Variants in TBC1D9 observed in about 807,000 individuals in gnomAD.
TBC1D9 encodes TBC1 domain family member 9.
TBC1D9 carries 63 observed loss-of-function variants against 132.0 expected under a neutral mutation model. The ratio of observed to expected loss-of-function variants is 0.48; its 90% CI spans 0.39 to 0.59. TBC1D9 has a LOEUF of 0.59. TBC1D9 is among the 20% of genes least tolerant of loss of function. The pLI is 0.00. For synonymous variants in TBC1D9, 610 were observed against 609.9 expected, an observed-to-expected ratio of 1.00 and a Z score of 0.00; for missense variants, 1,261 against 1,592.7, an observed-to-expected ratio of 0.79 and a Z score of 3.54.
At chr4:140,728,505 G>GT (rs1274762549) in intron 1 of TBC1D9, among the ~76,000 whole-genome samples, 14 of 150,450 alleles carry the variant, frequency 9.3e-5, no homozygotes, top group South Asian at 2.1e-4. Flanking sequence ...TGTTTGTTTT[G>GT]TTTTTTTTGA....
intron 2 of TBC1D9, among the ~76,000 whole-genome samples, chr4:140,689,974 G>C (rs1737852273): frequency 6.6e-6 from 1 of 151,114 alleles, no homozygotes; most frequent in Non-Finnish European, 1.5e-5. Flanking sequence ...CGCCAGCCTT[G>C]GCCTCCTGAA....
At chr4:140,649,063 A>G (rs1391964779) in intron 13 of TBC1D9, among the ~76,000 whole-genome samples, 1 of 152,206 alleles carries the variant, frequency 6.6e-6, no homozygotes, top group Non-Finnish European at 1.5e-5. Flanking sequence ...TTTAAAAGAG[A>G]CTGACCACAA....
chr4:140,622,022 G>T lies in TBC1D9; in HGVS notation c.*173C>A. 2.2e-6 allele frequency: 2 copies of T among 924,346 alleles called. No individual in the cohort carries two copies. The highest frequency in any genetic ancestry group is 3.0e-6 in the Non-Finnish European group (2 of 658,108). 57.3% of individuals were successfully genotyped at this position (924,346 alleles called of 1,614,324 possible). On this transcript the variant is annotated 3_prime_UTR_variant, in exon 21 of 21. Coordinates refer to ENST00000442267, the MANE Select transcript of TBC1D9 (RefSeq NM_015130.3). ...GAGTGTAATGTACCTACATTGAGGTGTTTAAATATTTCTCCAACAGTTTTC... is the reference window on the plus strand; with the variant it reads ...GAGTGTAATGTACCTACATTGAGGTTTTTAAATATTTCTCCAACAGTTTTC...
At chr4:140,725,066 C>T (rs1419955719) in intron 1 of TBC1D9, among the ~76,000 whole-genome samples, 1 of 152,106 alleles carries the variant, frequency 6.6e-6, no homozygotes, top group Non-Finnish European at 1.5e-5. Flanking sequence ...GAAATTTTTT[C>T]CACAAATATA....
intron 1 of TBC1D9, among the ~76,000 whole-genome samples, chr4:140,753,315 A>G (rs2111088805): frequency 6.6e-6 from 1 of 151,732 alleles, no homozygotes; most frequent in Non-Finnish European, 1.5e-5. Context: ...TCCGGATTTG[A>G]ATGCCTAGGC....
At chr4:140,656,278 G>A (rs1560875358) in intron 13 of TBC1D9, among the ~76,000 whole-genome samples, 1 of 152,194 alleles carries the variant, frequency 6.6e-6, no homozygotes, top group African/African-American at 2.4e-5. Context: ...GGAAAGTGGG[G>A]TCTAATAGGA....
At chr4:140,682,150 T>C (rs1237295076) in intron 3 of TBC1D9, among the ~76,000 whole-genome samples, 1 of 152,316 alleles carries the variant, frequency 6.6e-6, no homozygotes, top group Admixed American at 6.5e-5. Flanking sequence ...AATCTACAAT[T>C]GTTTTGGAGT....
Position 140,679,749 on chromosome 4 carries a change from A to G in TBC1D9, c.455T>C (p.Phe152Ser). 6.2e-7 allele frequency: 1 copy of G among 1,613,828 alleles called. No individual in the cohort carries two copies. Among genetic ancestry groups the G allele is most frequent in the Middle Eastern group, 1.7e-4 (1 of 6,058 alleles). ...GAGTTTCTCTTCCTCTGGCATCCCA[A>G]ACAGCCTATGAAATTTCACAATGGC... The part of the protein sequence containing the change: ...KEAIVKFHRL[F>S]GMPEEEKLVN... The change falls in exon 4 of 21, where the codon TTT (phenylalanine) becomes TCT (serine). Residue 152 changes from phenylalanine (F) to serine (S), a missense_variant. By Grantham distance (155) the Phe-to-Ser change is radical. Transcript: ENST00000442267.
intron 2 of TBC1D9, among the ~76,000 whole-genome samples, chr4:140,698,301 C>CA (rs1342512845): frequency 1.4e-4 from 21 of 152,130 alleles, no homozygotes; most frequent in African/African-American, 5.1e-4. Flanking sequence ...AATCCTTTAT[C>CA]ACCTTCCTCT....
chr4:140,621,345 A>G lies in TBC1D9; in HGVS notation c.*850T>C, dbSNP rs892816157. ...TAAGAAGCTAAACATCCAGTATCAG[A>G]AGCATCAGTACTTTTACTCTTTCAA... On this transcript the variant is annotated 3_prime_UTR_variant, in exon 21 of 21. Coordinates refer to ENST00000442267, the MANE Select transcript of TBC1D9 (RefSeq NM_015130.3). 7 of 152,412 alleles carry G rather than the reference A, an allele frequency of 4.6e-5. No individual in the cohort carries two copies. Among genetic ancestry groups the G allele is most frequent in the African/African-American group, 1.7e-4 (7 of 41,478 alleles). The allele number at this position is 152,412 out of a possible 1,614,324, so 9.4% of individuals were successfully genotyped here. A position where few individuals can be genotyped will look rare whatever the true frequency, so the allele number is the denominator to read the frequency against.
At chr4:140,723,785 G>T (rs1440503219) in intron 1 of TBC1D9, among the ~76,000 whole-genome samples, 3 of 151,986 alleles carry the variant, frequency 2.0e-5, no homozygotes, top group Non-Finnish European at 2.9e-5. Flanking sequence ...TAGAAACAAG[G>T]TCTTGCTCTG....
intron 1 of TBC1D9, among the ~76,000 whole-genome samples, chr4:140,750,973 G>A (rs1738915530): frequency 6.6e-6 from 1 of 151,226 alleles, no homozygotes; most frequent in African/African-American, 2.4e-5. Context: ...GATATTTTAA[G>A]TTAAAAAAAT....
chr4:140,633,275 C>T (rs774211203), intron 16 of TBC1D9, among the ~76,000 whole-genome samples: 6 of 152,196 alleles, frequency 3.9e-5, no homozygotes, highest in Admixed American at 6.5e-5. Context: ...CTCAACCTTA[C>T]GTCAAGTGGG....
intron 1 of TBC1D9, among the ~76,000 whole-genome samples, chr4:140,721,929 T>C (rs1671187080): frequency 1.3e-5 from 2 of 152,168 alleles, no homozygotes; most frequent in African/African-American, 4.8e-5. Flanking sequence ...CTTAACCAAC[T>C]GCCTTCTGCT....
intron 2 of TBC1D9, among the ~76,000 whole-genome samples, chr4:140,688,588 G>A (rs763180878): frequency 3.9e-5 from 6 of 152,056 alleles, no homozygotes; most frequent in African/African-American, 2.4e-5. Flanking sequence ...AGGATAGCTC[G>A]AACCCAAGAG....
chr4:140,744,915 C>T (rs1420888721), intron 1 of TBC1D9, among the ~76,000 whole-genome samples: 1 of 144,750 alleles, frequency 6.9e-6, no homozygotes, highest in Non-Finnish European at 1.5e-5. Flanking sequence ...GAATCTCAGT[C>T]TTCACAACCC....
At chr4:140,737,159 T>C (rs1738686837) in intron 1 of TBC1D9, among the ~76,000 whole-genome samples, 1 of 152,152 alleles carries the variant, frequency 6.6e-6, no homozygotes, top group Non-Finnish European at 1.5e-5. Context: ...CTGCTGCTGA[T>C]CTGACAGGAG....
intron 10 of TBC1D9, among the ~76,000 whole-genome samples, chr4:140,661,425 CTG>C (rs1441531930): frequency 6.6e-6 from 1 of 152,188 alleles, no homozygotes; most frequent in African/African-American, 2.4e-5. Context: ...AGTAGCAACA[CTG>C]TGGCGAACCA....
At position 140,709,248 on chromosome 4, in the gene TBC1D9, TCACACACACACA is replaced by T. The variant is rs36222926; in HGVS notation, c.131-7646_131-7635del. Among the ~76,000 whole-genome samples the T allele has an allele frequency of 2.8e-3, 292 of 104,182 alleles. 1 individual carries two copies. Among genetic ancestry groups the T allele is most frequent in the East Asian group, 0.012 (46 of 3,842 alleles). 68.3% of individuals were successfully genotyped at this position (104,182 alleles called of 152,430 possible). On this transcript the variant is annotated intron_variant, in intron 1 of 20. Coordinates refer to ENST00000442267, the MANE Select transcript of TBC1D9 (RefSeq NM_015130.3). ...CTCTCTCTCTCTCTCTCTCTCTCTC[TCACACACACACA>T]CACACACACACACACACACACACAC...
Sources: allele counts gnomAD v4.1 joint callset (sites outside exome capture counted in the v4.1 genomes callset), GRCh38; gene constraint gnomAD v4.1.1; transcripts MANE v1.5; gene names NCBI Gene and HGNC (gene_info 2026-07-23, HGNC 2026-07-21).